Variants in ATP8A1 observed in about 807,000 individuals in gnomAD.
ATP8A1 encodes the protein ATPase phospholipid transporting 8A1, also known as phospholipid-transporting ATPase IA.
In ATP8A1, 90 loss-of-function variants were observed where a neutral mutation model predicts 177.7. That is an observed-to-expected ratio of 0.51 (90% CI 0.43 to 0.60). The LOEUF is 0.60. Among genes scored for constraint, ATP8A1 ranks in the 20% least tolerant of loss-of-function variants. The pLI is 0.00. For synonymous variants in ATP8A1, 493 were observed against 485.9 expected, an observed-to-expected ratio of 1.01 and a Z score of -0.19; for missense variants, 1,072 against 1,392.8, an observed-to-expected ratio of 0.77 and a Z score of 3.67.
chr4:42,435,547 C>G (rs1715890309), intron 33 of ATP8A1, among the ~76,000 whole-genome samples: 1 of 151,602 alleles, frequency 6.6e-6, no homozygotes, highest in South Asian at 2.1e-4. Flanking sequence ...TCTGGCCTGT[C>G]ATTCAAACAA....
intron 20 of ATP8A1, among the ~76,000 whole-genome samples, chr4:42,535,839 A>C (rs1045456525): frequency 2.6e-5 from 4 of 152,236 alleles, no homozygotes; most frequent in African/African-American, 9.6e-5. Context: ...ATACATGAAA[A>C]TTAAATAACC....
chr4:42,572,860 T>C (rs1268503166), intron 14 of ATP8A1, among the ~76,000 whole-genome samples: 1 of 152,240 alleles, frequency 6.6e-6, no homozygotes, highest in Non-Finnish European at 1.5e-5. Flanking sequence ...TGGTAAATTC[T>C]AGACAAAGCC....
intron 24 of ATP8A1, among the ~76,000 whole-genome samples, chr4:42,501,073 T>C (rs1331192585): frequency 6.6e-6 from 1 of 152,222 alleles, no homozygotes; most frequent in Non-Finnish European, 1.5e-5. Context: ...TTTTGGATTT[T>C]ATCAGCTTTA....
intron 5 of ATP8A1, among the ~76,000 whole-genome samples, chr4:42,611,991 G>A (rs562381055): frequency 1.2e-4 from 18 of 152,154 alleles, no homozygotes; most frequent in Admixed American, 5.2e-4. Context: ...GAAAATGAGC[G>A]CATTCTGAAC....
At chr4:42,430,684 G>A (rs1715187018) in intron 33 of ATP8A1, among the ~76,000 whole-genome samples, 1 of 152,122 alleles carries the variant, frequency 6.6e-6, no homozygotes, top group African/African-American at 2.4e-5. Flanking sequence ...ACGTGTCCAT[G>A]TGTTGTCATC....
At chr4:42,596,666 C>CAA (rs71648737) in intron 6 of ATP8A1, among the ~76,000 whole-genome samples, 19,176 of 73,562 alleles carry the variant, frequency 0.26, 1,596 homozygotes, top group Middle Eastern at 0.33. Flanking sequence ...GACTCCATCT[C>CAA]AAAAAAAAAA....
chr4:42,477,534 T>C (rs995414091), intron 25 of ATP8A1, among the ~76,000 whole-genome samples: 1 of 152,210 alleles, frequency 6.6e-6, no homozygotes, highest in Non-Finnish European at 1.5e-5. Flanking sequence ...CTAGAAAAAC[T>C]CTTGCCTGGG....
chr4:42,547,481 G>A (rs143525331), intron 19 of ATP8A1, among the ~76,000 whole-genome samples: 5 of 152,232 alleles, frequency 3.3e-5, no homozygotes, highest in Non-Finnish European at 2.9e-5. Context: ...TCCCAACCCT[G>A]CTTTATTTTT....
chr4:42,555,139 A>ATCTATCTATCTAATCAATCTATCTATCT (rs1553903246), intron 16 of ATP8A1, among the ~76,000 whole-genome samples: 1 of 59,528 alleles, frequency 1.7e-5, no homozygotes, highest in East Asian at 4.3e-4. Context: ...CTATCTATCT[A>ATCTATCTATCTAATCAATCTATCTATCT]ATCTATCTAT....
At chr4:42,545,145 G>T (rs1391595736) in intron 19 of ATP8A1, among the ~76,000 whole-genome samples, 3 of 147,126 alleles carry the variant, frequency 2.0e-5, no homozygotes, top group African/African-American at 7.6e-5. Flanking sequence ...GGGTGACAGG[G>T]CGAGACTCCG....
At chr4:42,444,432 AC>A (rs1208465401) in intron 32 of ATP8A1, 145 bp downstream of exon 32, 2 of 714,230 alleles carry the variant, frequency 2.8e-6, no homozygotes, top group African/African-American at 3.6e-5. Context: ...TCCTTCCCCT[AC>A]CCCTGACACC....
chr4:42,617,471 T>G (rs1737035656), intron 4 of ATP8A1, among the ~76,000 whole-genome samples: 1 of 152,226 alleles, frequency 6.6e-6, no homozygotes, highest in Non-Finnish European at 1.5e-5. Context: ...ATGTTTAAAG[T>G]TCTGTTAAAT....
chr4:42,639,715 C>T (rs549642987), intron 1 of ATP8A1, among the ~76,000 whole-genome samples: 1 of 152,240 alleles, frequency 6.6e-6, no homozygotes, highest in South Asian at 2.1e-4. Flanking sequence ...TGAACTGTTA[C>T]TAATCAGAGA....
intron 22 of ATP8A1, among the ~76,000 whole-genome samples, chr4:42,515,993 A>G (rs753292644): frequency 2.0e-5 from 3 of 152,218 alleles, no homozygotes; most frequent in Non-Finnish European, 4.4e-5. Flanking sequence ...AGTGCCTTCA[A>G]TGCATGGAAA....
chr4:42,485,544 T>C lies in ATP8A1; in HGVS notation c.2276A>G (p.Gln759Arg). 6.2e-7 allele frequency: 1 copy of C among 1,613,562 alleles called. No homozygotes were observed. Among genetic ancestry groups the C allele is most frequent in the Non-Finnish European group, 8.5e-7 (1 of 1,179,764 alleles). ...LKYALTFGVR[Q>R]YFLDLALSCK... The stretch of plus-strand genomic sequence containing the variant: ...TGACAAAGCTAAGTCCAGGAAATAC[T>C]GTCGTACTCCAAAGGTTAAGGCATA... Residue 759 changes from glutamine (Q) to arginine (R), a missense_variant, in exon 25 of 37, where the codon CAG (glutamine) becomes CGG (arginine). Physicochemically the swap from Gln to Arg is conservative, Grantham distance 43. Coordinates refer to ENST00000381668, the MANE Select transcript of ATP8A1 (RefSeq NM_006095.2).
At chr4:42,642,898 T>C (rs1010663468) in intron 1 of ATP8A1, among the ~76,000 whole-genome samples, 3 of 152,190 alleles carry the variant, frequency 2.0e-5, no homozygotes, top group African/African-American at 7.2e-5. Flanking sequence ...CCAGCGTTTT[T>C]AAAAGTTCAG....
chr4:42,520,746 G>C (rs931675364), intron 22 of ATP8A1, among the ~76,000 whole-genome samples: 1 of 151,854 alleles, frequency 6.6e-6, no homozygotes, highest in African/African-American at 2.4e-5. Context: ...ATATAAGGAG[G>C]AGATATCTAG....
intron 5 of ATP8A1, among the ~76,000 whole-genome samples, chr4:42,608,150 G>C (rs1458142877): frequency 6.6e-5 from 10 of 152,156 alleles, no homozygotes. Context: ...TTCTGTTAGA[G>C]AACATTCGGG....
chr4:42,541,558 A>T (rs1257014058), intron 20 of ATP8A1, among the ~76,000 whole-genome samples: 4 of 152,214 alleles, frequency 2.6e-5, no homozygotes, highest in Non-Finnish European at 5.9e-5. Flanking sequence ...TGTTTACACA[A>T]AAACATGCAT....
Sources: gnomAD v4.1 joint callset for allele counts (sites outside exome capture counted in the v4.1 genomes callset) on GRCh38, gnomAD v4.1.1 for gene constraint, MANE v1.5 for transcripts, NCBI Gene and HGNC (gene_info 2026-07-23, HGNC 2026-07-21) for gene names.